Variants in GET1 observed in about 807,000 individuals in gnomAD.
The protein encoded by GET1 is guided entry of tail-anchored proteins factor 1.
A neutral mutation model predicts 22.6 loss-of-function variants in GET1; 20 were observed. The ratio of observed to expected loss-of-function variants is 0.89; its 90% CI spans 0.62 to 1.29. The LOEUF is 1.29. Among genes scored for constraint, GET1 ranks in the 50% most tolerant of loss-of-function variants. GET1 has a pLI of 0.00. For synonymous variants in GET1, 92 were observed against 83.8 expected (o/e 1.10, Z -0.53); for missense variants, 209 against 219.9 (o/e 0.95, Z 0.31).
chr21:39,382,057 CTT>C (rs1045395971), intron 1 of GET1, among the ~76,000 whole-genome samples: 32 of 135,338 alleles, frequency 2.4e-4, no homozygotes, highest in Admixed American at 2.3e-4. Flanking sequence ...AGAACATTTT[CTT>C]TTTTTTTTTT....
intron 1 of GET1, among the ~76,000 whole-genome samples, chr21:39,382,924 CTTAT>C (rs996204272): frequency 1.3e-5 from 2 of 152,020 alleles, no homozygotes; most frequent in Non-Finnish European, 1.5e-5. Flanking sequence ...ATTTTGTTTT[CTTAT>C]TTATTTATTC....
At chr21:39,406,884 T>A (rs1371175772), downstream of GET1, among the ~76,000 whole-genome samples, 1 of 152,078 alleles carries the variant, frequency 6.6e-6, no homozygotes, top group East Asian at 1.9e-4. Flanking sequence ...AATTTGCCAA[T>A]AAGGTTATTA....
chr21:39,396,601 C>T (rs1300296810), intron 4 of GET1, among the ~76,000 whole-genome samples: 1 of 148,812 alleles, frequency 6.7e-6, no homozygotes, highest in Non-Finnish European at 1.5e-5. Context: ...GCAGGAGAAT[C>T]GCTTGAGCCC....
At chr21:39,392,858 T>C (rs1272534465) in intron 3 of GET1, 3 of 272,316 alleles carry the variant, frequency 1.1e-5, no homozygotes, top group East Asian at 1.6e-4. Flanking sequence ...ATTTAAATTA[T>C]GTGTAGATTG....
chr21:39,400,158 A>G (rs1035858519), downstream of GET1, among the ~76,000 whole-genome samples: 2 of 151,944 alleles, frequency 1.3e-5, no homozygotes, highest in South Asian at 2.1e-4. Flanking sequence ...GCATCATGGG[A>G]GAGGTGTGTG....
intron 4 of GET1, 39 bp downstream of exon 4, chr21:39,393,319 T>C (rs763864511): frequency 2.0e-6 from 3 of 1,478,884 alleles, no homozygotes; most frequent in Non-Finnish European, 2.8e-6. Flanking sequence ...AGAGTGTGAA[T>C]AGGCTTATGT....
chr21:39,396,964 G>C lies in GET1; in HGVS notation c.*25G>C. On this transcript the variant is annotated 3_prime_UTR_variant, in exon 5 of 5. Transcript: ENST00000649170. ...AACAGGAGGATGGATACAGCCGCGAGGCTAAAAAACGGATTTCCTCTTCCT... is the reference window on the plus strand; with the variant it reads ...AACAGGAGGATGGATACAGCCGCGACGCTAAAAAACGGATTTCCTCTTCCT... 1.9e-6 allele frequency: 3 copies of C among 1,611,382 alleles called. No individual in the cohort carries two copies. The highest frequency in any genetic ancestry group is 2.7e-5 in the African/African-American group (2 of 74,824).
chr21:39,385,280 A>G (rs2037809964), intron 1 of GET1, among the ~76,000 whole-genome samples: 1 of 152,156 alleles, frequency 6.6e-6, no homozygotes, highest in African/African-American at 2.4e-5. Context: ...CACTCAGTCT[A>G]GGCCGCACTG....
intron 2 of GET1, chr21:39,391,162 T>C (rs1000544416): frequency 4.3e-6 from 1 of 234,720 alleles, no homozygotes; most frequent in Admixed American, 5.1e-5. Flanking sequence ...TCATCACTTT[T>C]CTGAGAGAAG....
exon 2 of GET1, chr21:39,428,509 AAAAG>A: frequency 1.4e-6 from 2 of 1,465,668 alleles, no homozygotes; most frequent in Non-Finnish European, 1.8e-6. Flanking sequence ...ACAACCTAAT[AAAAG>A]AAAAGTAAAA....
downstream of GET1, among the ~76,000 whole-genome samples, chr21:39,409,291 TC>T (rs771380230): frequency 4.5e-4 from 68 of 152,238 alleles, no homozygotes; most frequent in Non-Finnish European, 8.5e-4. This position sits in a 1 kb window ranked among gnomAD's most constrained non-coding sequence, Gnocchi z 4.2. Context: ...ATCTCGGACT[TC>T]CTAGCCTCCA....
chr21:39,385,623 A>T (rs2037833875), intron 1 of GET1, among the ~76,000 whole-genome samples: 1 of 152,224 alleles, frequency 6.6e-6, no homozygotes, highest in African/African-American at 2.4e-5. Context: ...CTGCGGGTGC[A>T]GGGGAGGTGT....
intron 1 of GET1, chr21:39,423,005 T>C: frequency 2.5e-6 from 4 of 1,613,820 alleles, no homozygotes; most frequent in Non-Finnish European, 3.4e-6. Context: ...GCGTCCATTT[T>C]TGTTGTGATA....
chr21:39,409,892 C>T, downstream of GET1: 3 of 758,432 alleles, frequency 4.0e-6, no homozygotes, highest in Non-Finnish European at 6.4e-6. The surrounding 1 kb of genome is among the most constrained non-coding windows in gnomAD (Gnocchi z 4.2). Flanking sequence ...CCATGCCCAG[C>T]TGTTTTATGT....
At chr21:39,419,395 T>C (rs2041875064) in intron 1 of GET1, among the ~76,000 whole-genome samples, 1 of 151,876 alleles carries the variant, frequency 6.6e-6, no homozygotes, top group Non-Finnish European at 1.5e-5. Flanking sequence ...TATGGTGGCA[T>C]GTACCTGTGA....
chr21:39,421,101 GTTTTTT>G (rs200770360), intron 1 of GET1, among the ~76,000 whole-genome samples: 1 of 125,406 alleles, frequency 8.0e-6, no homozygotes, highest in East Asian at 2.1e-4. Context: ...TTAACAATTC[GTTTTTT>G]TTTTTTTTTT....
chr21:39,383,009 A>AG (rs2037650348), intron 1 of GET1, among the ~76,000 whole-genome samples: 1 of 149,102 alleles, frequency 6.7e-6, no homozygotes, highest in Admixed American at 6.7e-5. Context: ...GGAGTGCAGT[A>AG]GCGCAGTCTC....
At chr21:39,410,461 A>G, downstream of GET1, 1 of 652,992 alleles carries the variant, frequency 1.5e-6, no homozygotes. Flanking sequence ...CAATGTAATA[A>G]TAAAGTATAC....
downstream of GET1, among the ~76,000 whole-genome samples, chr21:39,402,776 T>C (rs1175876878): frequency 6.6e-6 from 1 of 152,194 alleles, no homozygotes; most frequent in Non-Finnish European, 1.5e-5. Context: ...CGTAAAGTTA[T>C]GTTCATCATA....
Sources: allele counts gnomAD v4.1 joint callset (sites outside exome capture counted in the v4.1 genomes callset), GRCh38; gene constraint gnomAD v4.1.1; non-coding constraint Gnocchi (gnomAD v3.1); transcripts MANE v1.5; gene names NCBI Gene and HGNC (gene_info 2026-07-23, HGNC 2026-07-21).